WDPCP: variants seen among roughly 807,000 people sequenced by gnomAD.
WDPCP encodes the protein WD repeat containing planar cell polarity effector.
Under a neutral mutation model 93.1 loss-of-function variants are expected in WDPCP, and 71 were observed. The observed-to-expected ratio is 0.76, with a 90% CI of 0.63 to 0.93. WDPCP has a LOEUF of 0.93. Ranked by LOEUF, WDPCP falls within the 40% of genes least tolerant of loss-of-function variation. The probability of loss-of-function intolerance (pLI) is 0.00; values close to 1 mark genes in which losing one functional copy is unlikely to be tolerated. For synonymous variants in WDPCP, 315 were observed against 315.0 expected, an observed-to-expected ratio of 1.00 and a Z score of 0.00; for missense variants, 844 against 887.4, an observed-to-expected ratio of 0.95 and a Z score of 0.62.
chr2:63,574,042 C>T (rs1239952564), intron 1 of WDPCP, among the ~76,000 whole-genome samples: 3 of 152,180 alleles, frequency 2.0e-5, no homozygotes, highest in African/African-American at 7.2e-5. Context: ...TTATCAATGA[C>T]AATGTGTGCC....
intron 11 of WDPCP, among the ~76,000 whole-genome samples, chr2:63,379,163 T>C (rs1160709639): frequency 2.6e-5 from 4 of 152,068 alleles, no homozygotes; most frequent in Admixed American, 2.6e-4. Flanking sequence ...ACATTTTGCC[T>C]GTTTCAGAAT....
At chr2:63,348,463 C>T (rs573547704) in intron 12 of WDPCP, among the ~76,000 whole-genome samples, 1 of 152,280 alleles carries the variant, frequency 6.6e-6, no homozygotes, top group South Asian at 2.1e-4. Flanking sequence ...ATTGAGATGA[C>T]ATGTACCAAT....
chr2:63,127,398 CAAG>C (rs752043082), intron 17 of WDPCP, among the ~76,000 whole-genome samples: 3 of 151,854 alleles, frequency 2.0e-5, no homozygotes, highest in Non-Finnish European at 4.4e-5. Context: ...GCTGGGATTA[CAAG>C]CGTGAGCCAC....
chr2:63,775,391 T>A (rs1205685961), intron 2 of WDPCP, among the ~76,000 whole-genome samples: 1 of 152,226 alleles, frequency 6.6e-6, no homozygotes, highest in Non-Finnish European at 1.5e-5. Context: ...TGAAACTTAC[T>A]GTTGCTGTCT....
At chr2:63,282,790 G>C (rs1683671239) in intron 13 of WDPCP, among the ~76,000 whole-genome samples, 1 of 152,050 alleles carries the variant, frequency 6.6e-6, no homozygotes, top group Non-Finnish European at 1.5e-5. Flanking sequence ...TTTGTCTCAT[G>C]ACTTCCCCCA....
intron 17 of WDPCP, among the ~76,000 whole-genome samples, chr2:63,130,677 G>A (rs1432800771): frequency 6.6e-6 from 1 of 151,886 alleles, no homozygotes; most frequent in East Asian, 1.9e-4. Flanking sequence ...GATAGGAATT[G>A]AGTGGAGAGT....
chr2:63,823,431 A>C lies in WDPCP; in HGVS notation n.222+4191T>G, dbSNP rs1164584085. 2.0e-5 allele frequency among the ~76,000 whole-genome samples: 3 copies of C among 152,114 alleles called. No individual in the cohort carries two copies. The East Asian group carries it at 5.8e-4, about 29-fold the overall frequency. Reference sequence around the variant, plus strand: ...TGAGGCAGAACTGCTTGAACCTGGGAGGCAGGGGTTGTAGTCAGCTGAGAT... The same window carrying C: ...TGAGGCAGAACTGCTTGAACCTGGGCGGCAGGGGTTGTAGTCAGCTGAGAT... On this transcript the variant is annotated intron_variant and non_coding_transcript_variant, in intron 1 of 4. Coordinates refer to the WDPCP transcript ENST00000467687.
At chr2:63,833,974 TACAC>T in the WDPCP span, among the ~76,000 whole-genome samples, 3,284 of 149,870 alleles carry the variant, frequency 0.022, 42 homozygotes, top group East Asian at 0.035. Context: ...TATGCCAACA[TACAC>T]ACACACACAC....
chr2:63,702,538 C>CT (rs67899382), intron 2 of WDPCP, among the ~76,000 whole-genome samples: 98,490 of 147,192 alleles, frequency 0.67, 33,524 homozygotes, highest in Non-Finnish European at 0.73. Flanking sequence ...GCTACCCATT[C>CT]TTTTTTTTTT....
intron 2 of WDPCP, among the ~76,000 whole-genome samples, chr2:63,739,602 C>A (rs1020136895): frequency 6.6e-6 from 1 of 151,926 alleles, no homozygotes; most frequent in Admixed American, 6.5e-5. Context: ...GGAATCACCA[C>A]ACTGCTTTTG....
At chr2:63,219,993 C>T (rs950561411) in intron 14 of WDPCP, among the ~76,000 whole-genome samples, 3 of 152,026 alleles carry the variant, frequency 2.0e-5, no homozygotes, top group African/African-American at 7.2e-5. Context: ...CAGAGTGAGG[C>T]TCTGTCTCCC....
intron 14 of WDPCP, among the ~76,000 whole-genome samples, chr2:63,182,912 A>G (rs1172706228): frequency 1.4e-5 from 2 of 147,674 alleles, no homozygotes; most frequent in Non-Finnish European, 3.0e-5. Flanking sequence ...TGTCTTCTAG[A>G]TTTTCTAGTT....
chr2:63,251,486 CTTTTTTT>C (rs869243555), intron 14 of WDPCP, among the ~76,000 whole-genome samples: 1 of 107,130 alleles, frequency 9.3e-6, no homozygotes, highest in East Asian at 2.5e-4. Flanking sequence ...AAAAGCCTAC[CTTTTTTT>C]TTTTTTTTTT....
At chr2:63,444,361 G>A (rs988101263) in intron 6 of WDPCP, among the ~76,000 whole-genome samples, 18 of 152,158 alleles carry the variant, frequency 1.2e-4, no homozygotes, top group African/African-American at 4.3e-4. Context: ...GAAGCATAGA[G>A]TTGCCAAATA....
chr2:63,286,575 C>T (rs753320923), intron 13 of WDPCP, among the ~76,000 whole-genome samples: 11 of 152,182 alleles, frequency 7.2e-5, no homozygotes, highest in Non-Finnish European at 1.0e-4. Context: ...ACTCTCTTTT[C>T]GGACTCAGCC....
chr2:63,605,908 T>C, intron 3 of WDPCP: 1 of 1,557,722 alleles, frequency 6.4e-7, no homozygotes, highest in Non-Finnish European at 8.9e-7. Context: ...AAACTAATCA[T>C]CATGAGTATG....
chr2:63,655,643 T>C (rs1375294374), intron 2 of WDPCP, among the ~76,000 whole-genome samples: 2 of 152,208 alleles, frequency 1.3e-5, no homozygotes, highest in Non-Finnish European at 2.9e-5. Flanking sequence ...AGGTGATCAC[T>C]ATTATTAGCT....
At chr2:63,593,706 TTCTG>T (rs1251867002), upstream of WDPCP, 4 of 471,318 alleles carry the variant, frequency 8.5e-6, no homozygotes, top group Admixed American at 4.7e-5. Context: ...AACTGAATTT[TTCTG>T]TCTAACTAAA....
At chr2:63,427,821 G>A (rs902978679) in intron 9 of WDPCP, among the ~76,000 whole-genome samples, 1 of 152,092 alleles carries the variant, frequency 6.6e-6, no homozygotes, top group Non-Finnish European at 1.5e-5. Flanking sequence ...AAGATTAATA[G>A]AGTGCTAGCT....
Sources: gnomAD v4.1 joint callset for allele counts (sites outside exome capture counted in the v4.1 genomes callset) on GRCh38, gnomAD v4.1.1 for gene constraint, MANE v1.5 for transcripts, NCBI Gene and HGNC (gene_info 2026-07-23, HGNC 2026-07-21) for gene names.